The following IL1RAPL2 variants were observed in gnomAD, a reference collection of about 807,000 sequenced individuals.
IL1RAPL2 encodes interleukin 1 receptor accessory protein like 2.
In IL1RAPL2, 3 loss-of-function variants were observed where a neutral mutation model predicts 44.1. The observed-to-expected ratio is 0.07, with a 90% CI of 0.03 to 0.18. The LOEUF (loss-of-function observed/expected upper bound fraction) is 0.18, where lower values mean the gene tolerates loss of function less well. IL1RAPL2 is among the 10% of genes least tolerant of loss of function. IL1RAPL2 has a pLI of 1.00. For missense variants in IL1RAPL2, 391 were observed against 496.4 expected, an observed-to-expected ratio of 0.79 and a Z score of 2.02; for synonymous variants, 181 against 178.8, an observed-to-expected ratio of 1.01 and a Z score of -0.10.
intron 2 of IL1RAPL2, among the ~76,000 whole-genome samples, chrX:104,875,091 A>G (rs958672998): frequency 2.7e-5 from 3 of 111,797 alleles, no homozygotes; most frequent in South Asian, 3.7e-4. Context: ...TAACTTTGTG[A>G]TGCTGAGAGA....
At chrX:104,849,616 A>G (rs1922171378) in intron 2 of IL1RAPL2, among the ~76,000 whole-genome samples, 1 of 109,717 alleles carries the variant, frequency 9.1e-6, no homozygotes, top group African/African-American at 3.3e-5. Flanking sequence ...AGTTTTACAA[A>G]CAAAGATTAT....
chrX:104,988,537 A>C (rs930288603), intron 2 of IL1RAPL2, among the ~76,000 whole-genome samples: 4 of 111,903 alleles, frequency 3.6e-5, no homozygotes, highest in Non-Finnish European at 5.6e-5. Context: ...CAATATATAG[A>C]CTTTGCCGTC....
At chrX:104,842,822 C>G (rs746455554) in intron 2 of IL1RAPL2, among the ~76,000 whole-genome samples, 1 of 112,635 alleles carries the variant, frequency 8.9e-6, no homozygotes, top group East Asian at 2.8e-4. Flanking sequence ...TATGAGGTGT[C>G]TGTCCACCCC....
chrX:104,895,131 G>T (rs1454444471), intron 2 of IL1RAPL2, among the ~76,000 whole-genome samples: 4 of 105,804 alleles, frequency 3.8e-5, no homozygotes, highest in Admixed American at 1.0e-4. Flanking sequence ...GTTGCTGCCT[G>T]ATCGTTCCTC....
chrX:105,569,991 T>G (rs1227979688), intron 6 of IL1RAPL2, among the ~76,000 whole-genome samples: 1 of 111,165 alleles, frequency 9.0e-6, no homozygotes, highest in Non-Finnish European at 1.9e-5. Context: ...ATTTCAGTAG[T>G]TTTTGGAGTA....
intron 2 of IL1RAPL2, among the ~76,000 whole-genome samples, chrX:104,687,983 A>G (rs1008267286): frequency 9.0e-6 from 1 of 111,661 alleles, no homozygotes; most frequent in African/African-American, 3.3e-5. Context: ...TTTGCGGCAA[A>G]CCTTTGAAGA....
At chrX:105,145,810 T>A (rs956699716) in intron 2 of IL1RAPL2, among the ~76,000 whole-genome samples, 4 of 111,736 alleles carry the variant, frequency 3.6e-5, no homozygotes, top group Admixed American at 1.9e-4. Context: ...CGGCTGTGAA[T>A]GACATTAACC....
chrX:105,622,758 G>A (rs191755900), intron 6 of IL1RAPL2, among the ~76,000 whole-genome samples: 2 of 111,198 alleles, frequency 1.8e-5, no homozygotes, highest in East Asian at 5.7e-4. Context: ...ATTAACCATC[G>A]CTAATGTATT....
At chrX:104,601,931 A>C (rs1928889778) in intron 1 of IL1RAPL2, among the ~76,000 whole-genome samples, 1 of 112,016 alleles carries the variant, frequency 8.9e-6, no homozygotes, top group African/African-American at 3.2e-5. Flanking sequence ...ATAAAGATAC[A>C]TGTGTCCATA....
intron 2 of IL1RAPL2, among the ~76,000 whole-genome samples, chrX:104,676,687 CAG>C (rs1204612623): frequency 2.7e-5 from 3 of 111,999 alleles, no homozygotes; most frequent in Non-Finnish European, 5.6e-5. Context: ...TAATATCCTG[CAG>C]AGTGTTTTCC....
chrX:105,475,320 G>T (rs2036190386), intron 5 of IL1RAPL2, among the ~76,000 whole-genome samples: 1 of 110,749 alleles, frequency 9.0e-6, no homozygotes, highest in African/African-American at 3.3e-5. Context: ...CTAAGGGTTT[G>T]TCTAGCTCTA....
intron 6 of IL1RAPL2, among the ~76,000 whole-genome samples, chrX:105,537,127 ATAGT>A (rs1161392009): frequency 8.9e-6 from 1 of 111,880 alleles, no homozygotes; most frequent in South Asian, 3.7e-4. Context: ...AGTTTGAATC[ATAGT>A]TAGAAGGTCT....
At chrX:105,030,684 C>A (rs2031474307) in intron 2 of IL1RAPL2, among the ~76,000 whole-genome samples, 1 of 111,604 alleles carries the variant, frequency 9.0e-6, no homozygotes, top group African/African-American at 3.3e-5. Context: ...TAGAGTGATG[C>A]CTCCGGCTTT....
At chrX:104,855,446 G>A (rs1231406009) in intron 2 of IL1RAPL2, among the ~76,000 whole-genome samples, 1 of 111,180 alleles carries the variant, frequency 9.0e-6, no homozygotes, top group Admixed American at 9.5e-5. Flanking sequence ...GTGGGAAAAT[G>A]GTTATTCAAA....
chrX:104,761,869 CCTTCTCCTTCTCCTTCTCCTT>C (rs1932441020), intron 2 of IL1RAPL2, among the ~76,000 whole-genome samples: 1 of 44,181 alleles, frequency 2.3e-5, no homozygotes, highest in African/African-American at 1.6e-4. Flanking sequence ...TTCTCCTTCT[CCTTCTCCTTCTCCTTCTCCTT>C]CTCCTTCTCC....
intron 2 of IL1RAPL2, among the ~76,000 whole-genome samples, chrX:104,769,817 T>C (rs1339941967): frequency 8.9e-6 from 1 of 111,783 alleles, no homozygotes; most frequent in Middle Eastern, 4.2e-3. Context: ...GGGTTTTTCT[T>C]AAGCCTTCTT....
intron 3 of IL1RAPL2, among the ~76,000 whole-genome samples, chrX:105,226,300 T>C (rs2147631177): frequency 9.2e-6 from 1 of 109,214 alleles, no homozygotes; most frequent in African/African-American, 3.3e-5. Context: ...TGGTGTCTTC[T>C]ACCAGCTTCC....
chrX:105,126,982 G>A (rs1320965579), intron 2 of IL1RAPL2, among the ~76,000 whole-genome samples: 1 of 111,092 alleles, frequency 9.0e-6, no homozygotes, highest in Non-Finnish European at 1.9e-5. Flanking sequence ...GCCCAGAAAT[G>A]TTGAGAGTTG....
intron 5 of IL1RAPL2, among the ~76,000 whole-genome samples, chrX:105,351,072 GAT>G (rs1347664078): frequency 2.7e-5 from 3 of 111,821 alleles, no homozygotes; most frequent in Admixed American, 1.9e-4. Flanking sequence ...ACCAAAATGA[GAT>G]ACCATCCCAC....
Sources: gnomAD v4.1 joint callset for allele counts (sites outside exome capture counted in the v4.1 genomes callset) on GRCh38, gnomAD v4.1.1 for gene constraint, MANE v1.5 for transcripts, NCBI Gene and HGNC (gene_info 2026-07-23, HGNC 2026-07-21) for gene names.